The following DYRK1A variants were observed in gnomAD, a reference collection of about 807,000 sequenced individuals.
DYRK1A encodes dual specificity tyrosine-phosphorylation-regulated kinase 1A.
A neutral mutation model predicts 79.7 loss-of-function variants in DYRK1A; 9 were observed. The ratio of observed to expected loss-of-function variants is 0.11; its 90% CI spans 0.07 to 0.20. The LOEUF (loss-of-function observed/expected upper bound fraction) is 0.20. Ranked by LOEUF, DYRK1A falls within the 10% of genes least tolerant of loss-of-function variation. The pLI is 1.00. For synonymous variants in DYRK1A, 349 were observed against 329.7 expected, an observed-to-expected ratio of 1.06 and a Z score of -0.63; for missense variants, 622 against 956.0, an observed-to-expected ratio of 0.65 and a Z score of 4.61.
chr21:37,509,257 A>G (rs2053685408), intron 11 of DYRK1A, among the ~76,000 whole-genome samples: 1 of 152,216 alleles, frequency 6.6e-6, no homozygotes, highest in Non-Finnish European at 1.5e-5. Context: ...CCCTTTGTAC[A>G]CAAATAGTAC....
At chr21:37,393,907 C>T (rs13050792) in intron 1 of DYRK1A, among the ~76,000 whole-genome samples, 18,309 of 152,234 alleles carry the variant, frequency 0.12, 1,311 homozygotes, top group Middle Eastern at 0.17. Context: ...CCCACAAGTG[C>T]GCAAAGTTGA....
intron 2 of DYRK1A, among the ~76,000 whole-genome samples, chr21:37,444,759 T>G (rs2051214682): frequency 6.6e-6 from 1 of 152,052 alleles, no homozygotes; most frequent in Non-Finnish European, 1.5e-5. Flanking sequence ...ATAAGATGAG[T>G]AGAACATCTA....
In DYRK1A at chr21:37,496,244, A is replaced by G. The variant is rs141150482; in HGVS notation, c.1198A>G (p.Lys400Glu). 1.9e-6 allele frequency: 3 copies of G among 1,612,570 alleles called. No individual in the cohort carries two copies. The African/African-American group carries it at 4.0e-5, about 22-fold the overall frequency. Reference sequence around the variant, plus strand: ...TGGCACTTGGAACTTAAAGAAGACCAAAGATGGAAAACGGGTAAAATAAGG... The same window carrying G: ...TGGCACTTGGAACTTAAAGAAGACCGAAGATGGAAAACGGGTAAAATAAGG... ...PDGTWNLKKT[K>E]DGKREYKPPG... Residue 400 changes from lysine to glutamate, a missense_variant, in exon 9 of 12, where the codon AAA (lysine) becomes GAA (glutamate). Physicochemically the swap from Lys to Glu is moderately conservative, Grantham distance 56. Coordinates refer to ENST00000647188, the MANE Select transcript of DYRK1A (RefSeq NM_001347721.2).
chr21:37,457,845 C>G (rs1265677806), intron 2 of DYRK1A, among the ~76,000 whole-genome samples: 2 of 152,040 alleles, frequency 1.3e-5, no homozygotes, highest in Non-Finnish European at 2.9e-5. Flanking sequence ...ATTTTTTTCC[C>G]CCTTGACTGC....
At chr21:37,374,615 C>T (rs188838275) in intron 1 of DYRK1A, among the ~76,000 whole-genome samples, 2 of 151,820 alleles carry the variant, frequency 1.3e-5, no homozygotes, top group Admixed American at 6.6e-5. Flanking sequence ...TACAGTGGTG[C>T]GATCTCGGTT....
chr21:37,411,098 C>T (rs891438519), intron 1 of DYRK1A, among the ~76,000 whole-genome samples: 2 of 145,354 alleles, frequency 1.4e-5, no homozygotes, highest in Non-Finnish European at 3.0e-5. Context: ...TGGCTCACAC[C>T]TGTAATCCCA....
At chr21:37,376,627 T>A (rs1358955663) in intron 1 of DYRK1A, among the ~76,000 whole-genome samples, 4 of 152,022 alleles carry the variant, frequency 2.6e-5, no homozygotes, top group African/African-American at 9.7e-5. Context: ...TCACTGAGAG[T>A]GTTGGTAATG....
intron 1 of DYRK1A, among the ~76,000 whole-genome samples, chr21:37,404,573 C>T (rs2050114649): frequency 6.6e-6 from 1 of 152,198 alleles, no homozygotes; most frequent in East Asian, 1.9e-4. Context: ...CCAAGCTTTA[C>T]CTTCACATCT....
chr21:37,442,310 C>T (rs8132000), intron 2 of DYRK1A, among the ~76,000 whole-genome samples: 67,408 of 151,810 alleles, frequency 0.44, 15,703 homozygotes, highest in East Asian at 0.57. Context: ...GGGTTCTCCT[C>T]TCTGTCAGGA....
chr21:37,386,183 A>G (rs1006107802), intron 1 of DYRK1A, among the ~76,000 whole-genome samples: 3 of 152,132 alleles, frequency 2.0e-5, no homozygotes, highest in East Asian at 1.9e-4. Context: ...TATTCCTTCT[A>G]TATTATGGTG....
chr21:37,453,811 G>A (rs1437053525), intron 2 of DYRK1A, among the ~76,000 whole-genome samples: 1 of 152,056 alleles, frequency 6.6e-6, no homozygotes, highest in African/African-American at 2.4e-5. Flanking sequence ...GAAAATAAAA[G>A]CCTCTTTTTT....
At chr21:37,383,365 G>A (rs1460711468) in intron 1 of DYRK1A, among the ~76,000 whole-genome samples, 5 of 152,176 alleles carry the variant, frequency 3.3e-5, no homozygotes, top group African/African-American at 4.8e-5. Context: ...TAACTATGTA[G>A]CTTTCCAGCC....
intron 2 of DYRK1A, among the ~76,000 whole-genome samples, chr21:37,423,538 T>A (rs1029185125): frequency 2.6e-5 from 4 of 152,176 alleles, no homozygotes; most frequent in Admixed American, 2.0e-4. Context: ...GAAACCTGTG[T>A]AAACCAGCAT....
At chr21:37,449,818 TTCAAGTCTAG>T (rs1385607729) in intron 2 of DYRK1A, among the ~76,000 whole-genome samples, 1 of 152,210 alleles carries the variant, frequency 6.6e-6, no homozygotes, top group East Asian at 1.9e-4. Context: ...TTCATTTACT[TTCAAGTCTAG>T]TCAAGTCAAG....
At chr21:37,462,891 G>A (rs1031980856) in intron 2 of DYRK1A, among the ~76,000 whole-genome samples, 1 of 152,200 alleles carries the variant, frequency 6.6e-6, no homozygotes, top group South Asian at 2.1e-4. Context: ...CGGTTATTTC[G>A]TATGTTTTGA....
rs768231661 is a variant in DYRK1A, at chr21:37,511,959, C to G, written c.1693C>G (p.Pro565Ala). 8 of 1,614,158 alleles carry G rather than the reference C, an allele frequency of 5.0e-6. No individual in the cohort carries two copies. The South Asian group carries it at 8.8e-5, about 18-fold the overall frequency. The change falls in exon 12 of 12, where the codon CCT (proline) becomes GCT (alanine). Residue 565 changes from proline to alanine, a missense_variant. Around this residue, in one of 5 missense-constraint regions of DYRK1A, gnomAD observed 292 missense variants for 316.7 expected, o/e 0.92. Coordinates refer to ENST00000647188, the MANE Select transcript of DYRK1A (RefSeq NM_001347721.2). ...TCTTGGTTGGTCAGGCACTGAAGCT[C>G]CTACACAGGTCACTGTTGAAACTCA... ...APLGWSGTEA[P>A]TQVTVETHPV...
At chr21:37,427,245 A>G (rs970251064) in intron 2 of DYRK1A, among the ~76,000 whole-genome samples, 27 of 152,240 alleles carry the variant, frequency 1.8e-4, no homozygotes, top group Middle Eastern at 3.4e-3. Context: ...CCAAGTAGCT[A>G]GGACTGCAGG....
intron 2 of DYRK1A, among the ~76,000 whole-genome samples, chr21:37,432,178 C>T (rs1388440129): frequency 1.3e-5 from 2 of 151,900 alleles, no homozygotes; most frequent in African/African-American, 4.8e-5. Flanking sequence ...TCATAAGGTT[C>T]TAGGAGCCTT....
At chr21:37,458,022 T>C (rs1371153083) in intron 2 of DYRK1A, among the ~76,000 whole-genome samples, 1 of 152,252 alleles carries the variant, frequency 6.6e-6, no homozygotes, top group Non-Finnish European at 1.5e-5. Context: ...GGTAACCTTC[T>C]GCCTGTGTTG....
Sources: gnomAD v4.1 joint callset for allele counts (sites outside exome capture counted in the v4.1 genomes callset) on GRCh38, gnomAD v4.1.1 for gene constraint, gnomAD v4.1.1 regional missense constraint, MANE v1.5 for transcripts, NCBI Gene and HGNC (gene_info 2026-07-23, HGNC 2026-07-21) for gene names.